The following PDE4D variants were observed in gnomAD, a reference collection of about 807,000 sequenced individuals.
PDE4D encodes phosphodiesterase 4D.
PDE4D carries 24 observed loss-of-function variants against 87.4 expected under a neutral mutation model. The observed-to-expected ratio is 0.27, with a 90% CI of 0.20 to 0.39. The LOEUF is 0.39. Ranked by LOEUF, PDE4D falls within the 10% of genes least tolerant of loss-of-function variation. The pLI is 1.00. For synonymous variants in PDE4D, 384 were observed against 383.2 expected, an observed-to-expected ratio of 1.00 and a Z score of -0.02; for missense variants, 714 against 1,041.0, an observed-to-expected ratio of 0.69 and a Z score of 4.32.
At chr5:59,614,098 A>C (rs1829358250) in intron 1 of PDE4D, among the ~76,000 whole-genome samples, 1 of 152,150 alleles carries the variant, frequency 6.6e-6, no homozygotes, top group African/African-American at 2.4e-5. Context: ...ATATAAGTTG[A>C]ACTTTTTTCC....
chr5:59,746,229 A>G (rs1157617479), intron 1 of PDE4D, among the ~76,000 whole-genome samples: 1 of 152,170 alleles, frequency 6.6e-6, no homozygotes, highest in Non-Finnish European at 1.5e-5. Context: ...ACATCTGCAA[A>G]CTAGCAATTT....
intron 1 of PDE4D, among the ~76,000 whole-genome samples, chr5:59,735,272 T>C (rs1179752594): frequency 6.6e-6 from 1 of 152,190 alleles, no homozygotes; most frequent in African/African-American, 2.4e-5. Context: ...AGACTTGAGA[T>C]GTATATAAAG....
chr5:59,624,371 A>G (rs1830664996), intron 1 of PDE4D, among the ~76,000 whole-genome samples: 1 of 152,192 alleles, frequency 6.6e-6, no homozygotes, highest in South Asian at 2.1e-4. Flanking sequence ...CTTAATGAAC[A>G]GAAAGTTAAA....
chr5:59,070,472 G>A (rs1180069807), intron 5 of PDE4D, among the ~76,000 whole-genome samples: 5 of 152,022 alleles, frequency 3.3e-5, no homozygotes, highest in Non-Finnish European at 7.4e-5. Flanking sequence ...CTTCTTAATA[G>A]TTCATTTTTT....
intron 2 of PDE4D, among the ~76,000 whole-genome samples, chr5:60,131,077 A>C (rs1779525775): frequency 6.6e-6 from 1 of 152,182 alleles, no homozygotes; most frequent in Non-Finnish European, 1.5e-5. Flanking sequence ...TTACACCCTC[A>C]AGGTTTTCCA....
chr5:59,009,976 C>A (rs114989151), intron 6 of PDE4D, among the ~76,000 whole-genome samples: 5 of 152,104 alleles, frequency 3.3e-5, no homozygotes, highest in African/African-American at 1.2e-4. Context: ...ATACAGTTAT[C>A]CAAGGTCCAC....
intron 1 of PDE4D, among the ~76,000 whole-genome samples, chr5:59,814,113 G>GGCA (rs553960686): frequency 1.5e-4 from 23 of 152,124 alleles, no homozygotes; most frequent in Non-Finnish European, 2.6e-4. Context: ...TTTTTCCTCT[G>GGCA]GGTCTCTTCC....
chr5:60,435,978 A>G (rs1287849012), intron 1 of PDE4D, among the ~76,000 whole-genome samples: 1 of 152,074 alleles, frequency 6.6e-6, no homozygotes, highest in Non-Finnish European at 1.5e-5. Flanking sequence ...GAAGCCTACC[A>G]AGGCTAGTAG....
intron 1 of PDE4D, among the ~76,000 whole-genome samples, chr5:60,254,674 C>T (rs1748853505): frequency 6.6e-6 from 1 of 151,810 alleles, no homozygotes; most frequent in African/African-American, 2.4e-5. Context: ...GTGCAAAAAG[C>T]AGGAGAGAGT....
chr5:59,948,433 T>G (rs559560193), intron 3 of PDE4D, among the ~76,000 whole-genome samples: 12 of 152,322 alleles, frequency 7.9e-5, no homozygotes, highest in African/African-American at 2.9e-4. Context: ...TGATTTTCTC[T>G]GAGGACTTAC....
intron 1 of PDE4D, among the ~76,000 whole-genome samples, chr5:59,454,752 A>G (rs1799666853): frequency 6.6e-6 from 1 of 152,216 alleles, no homozygotes; most frequent in East Asian, 1.9e-4. Flanking sequence ...AGACATGTTG[A>G]GTGGCTTTGA....
At chr5:59,739,658 A>T (rs571570242) in intron 1 of PDE4D, among the ~76,000 whole-genome samples, 14 of 152,346 alleles carry the variant, frequency 9.2e-5, no homozygotes, top group African/African-American at 3.4e-4. Context: ...GCAGTGTAAT[A>T]CGCTACAAGC....
chr5:59,778,094 G>T (rs1483918739), intron 1 of PDE4D, among the ~76,000 whole-genome samples: 1 of 152,108 alleles, frequency 6.6e-6, no homozygotes, highest in African/African-American at 2.4e-5. Flanking sequence ...CATGTGCTAG[G>T]TTCTGTGGGT....
chr5:59,832,776 T>C (rs1487837473), intron 1 of PDE4D, among the ~76,000 whole-genome samples: 1 of 152,070 alleles, frequency 6.6e-6, no homozygotes. Context: ...TAATCAATAT[T>C]GGACAAAGAT....
rs183048295 is a variant in PDE4D, at chr5:60,366,137, C to A, written c.-90+121805G>T. 2.8e-3 allele frequency among the ~76,000 whole-genome samples: 426 copies of A among 151,930 alleles called. 5 individuals are homozygous for A. The highest frequency in any genetic ancestry group is 9.9e-3 in the African/African-American group (412 of 41,414). ...TTCTTCAACAAAACAAGAACCAGGACTTGAGGAGCTGAGCAGGAAAGGAAT... is the reference window on the plus strand; with the variant it reads ...TTCTTCAACAAAACAAGAACCAGGAATTGAGGAGCTGAGCAGGAAAGGAAT... On this transcript the variant is annotated intron_variant, in intron 1 of 16. Coordinates refer to the PDE4D transcript ENST00000502484.
chr5:59,002,120 TA>T, intron 6 of PDE4D: 2 of 498,102 alleles, frequency 4.0e-6, no homozygotes, highest in South Asian at 2.9e-5. Context: ...AAATAGAAAG[TA>T]ACTTTAATAT....
At chr5:59,245,499 GCAA>G (rs546810698) in intron 1 of PDE4D, among the ~76,000 whole-genome samples, 2 of 152,060 alleles carry the variant, frequency 1.3e-5, no homozygotes, top group Non-Finnish European at 2.9e-5. Context: ...GTCCATGCCA[GCAA>G]CAACAACAAC....
At chr5:59,894,280 A>G (rs1272179877), upstream of PDE4D, among the ~76,000 whole-genome samples, 3 of 152,142 alleles carry the variant, frequency 2.0e-5, no homozygotes, top group Non-Finnish European at 2.9e-5. Flanking sequence ...GAGTTTGGCG[A>G]TTCCTGGCTG....
At chr5:59,090,812 T>C (rs531570136) in intron 5 of PDE4D, among the ~76,000 whole-genome samples, 8 of 145,514 alleles carry the variant, frequency 5.5e-5, no homozygotes, top group East Asian at 3.9e-4. Context: ...TTTTTCTTTT[T>C]TTTTTTTTTT....
Sources: allele counts gnomAD v4.1 joint callset (sites outside exome capture counted in the v4.1 genomes callset), GRCh38; gene constraint gnomAD v4.1.1; transcripts MANE v1.5; gene names NCBI Gene and HGNC (gene_info 2026-07-23, HGNC 2026-07-21).